The following USP54 variants were observed in gnomAD, a reference collection of about 807,000 sequenced individuals.
USP54 encodes ubiquitin carboxyl-terminal hydrolase 54.
A neutral mutation model predicts 170.5 loss-of-function variants in USP54; 87 were observed. The observed-to-expected ratio is 0.51, with a 90% CI of 0.43 to 0.61. The LOEUF (loss-of-function observed/expected upper bound fraction) is 0.61. Among genes scored for constraint, USP54 ranks in the 20% least tolerant of loss-of-function variants. USP54 has a pLI of 0.00. For missense variants in USP54, 1,786 were observed against 2,047.8 expected (o/e 0.87, Z 2.47); for synonymous variants, 655 against 742.8 (o/e 0.88, Z 1.92).
intron 1 of USP54, among the ~76,000 whole-genome samples, chr10:73,609,203 G>C (rs1283060872): frequency 6.6e-6 from 1 of 152,112 alleles, no homozygotes; most frequent in Non-Finnish European, 1.5e-5. Context: ...CATGAGTAAA[G>C]ATAAACAAGG....
chr10:73,503,372 A>G (rs1195858518), intron 22 of USP54, among the ~76,000 whole-genome samples: 1 of 152,232 alleles, frequency 6.6e-6, no homozygotes, highest in African/African-American at 2.4e-5. Flanking sequence ...TAAGCTCCAT[A>G]AAAGCAGGGA....
At chr10:73,499,297 T>C (rs975584565) in intron 23 of USP54, 109 bp from the exon 24 acceptor site, 1 of 1,069,818 alleles carries the variant, frequency 9.3e-7, no homozygotes, top group Non-Finnish European at 1.4e-6. Context: ...TCCAAGAGCA[T>C]ACATACAAGG....
chr10:73,516,840 G>A lies in USP54; in HGVS notation c.3586C>T (p.Pro1196Ser). Residue 1196 changes from proline to serine, a missense_variant, in exon 20 of 24, where the codon CCA becomes TCA. Physicochemically the swap from Pro to Ser is moderately conservative, Grantham distance 74 (BLOSUM62 -1). Transcript: ENST00000687698. Reference protein sequence around the residue: ...QQSSLEGGDRPLSWEESTEHS... With the variant: ...QQSSLEGGDRSLSWEESTEHS... ...TCAGTGGACTCTTCCCAGGAAAGTG[G>A]TCTATCCCCACCCTCCAGAGAGGAT... 6.2e-7 allele frequency: 1 copy of A among 1,614,260 alleles called. No homozygotes were observed. The highest frequency in any genetic ancestry group is 8.5e-7 in the Non-Finnish European group (1 of 1,180,052).
chr10:73,575,091 G>C (rs1230758739), intron 3 of USP54, among the ~76,000 whole-genome samples: 3 of 151,856 alleles, frequency 2.0e-5, no homozygotes, highest in African/African-American at 7.3e-5. Flanking sequence ...TGGGCATGGT[G>C]GTGGGCGCCT....
chr10:73,588,271 G>A (rs911747996), intron 1 of USP54, among the ~76,000 whole-genome samples: 4 of 152,152 alleles, frequency 2.6e-5, no homozygotes, highest in Admixed American at 6.5e-5. Context: ...CCAGGCTGGA[G>A]TACAGTGGCG....
chr10:73,616,107 G>A (rs1589417451), intron 1 of USP54, among the ~76,000 whole-genome samples: 2 of 150,066 alleles, frequency 1.3e-5, no homozygotes, highest in South Asian at 2.1e-4. Flanking sequence ...GGGAGGCCGA[G>A]GTGGGCAGAT....
At chr10:73,520,018 G>A in intron 18 of USP54, 26 bp from the exon 19 acceptor site, 2 of 1,560,844 alleles carry the variant, frequency 1.3e-6, no homozygotes. Context: ...AAATATAGCA[G>A]AAACAGAACA....
chr10:73,573,084 G>C (rs1341538775), intron 3 of USP54, among the ~76,000 whole-genome samples: 1 of 151,942 alleles, frequency 6.6e-6, no homozygotes, highest in East Asian at 1.9e-4. Context: ...AGGAGTTCAA[G>C]ACCAGCCTAA....
intron 4 of USP54, among the ~76,000 whole-genome samples, chr10:73,567,120 C>A (rs2074027276): frequency 6.6e-6 from 1 of 151,722 alleles, no homozygotes; most frequent in African/African-American, 2.4e-5. Context: ...CTCAGGTGAT[C>A]CACCCGCCTC....
chr10:73,517,230 G>A lies in USP54; in HGVS notation c.3196C>T (p.Leu1066Phe). The change falls in exon 20 of 24, where the codon CTT (leucine) becomes TTT (phenylalanine). Residue 1066 changes from leucine (L) to phenylalanine (F), a missense_variant. Around this residue, in one of 3 missense-constraint regions of USP54, gnomAD observed 1,418 missense variants for 1,569.0 expected, o/e 0.90. Transcript: ENST00000687698. ...GGGTGGCAGGTTCTATACAGGGGAA[G>A]GCTGGGCTGAGCTGATGAATTTGAA... ...SPSNSSAQPSLPLYRTCHPIM... is the reference protein window; with the variant it reads ...SPSNSSAQPSFPLYRTCHPIM... 1 of 1,614,218 alleles carries A rather than the reference G, an allele frequency of 6.2e-7. No individual in the cohort carries two copies.
intron 1 of USP54, among the ~76,000 whole-genome samples, chr10:73,587,528 G>C (rs879847923): frequency 1.3e-5 from 2 of 152,026 alleles, no homozygotes; most frequent in Non-Finnish European, 1.5e-5. Context: ...CAGAACCTCG[G>C]GAGGTAACAT....
At position 73,527,805 on chromosome 10, in the gene USP54, G is replaced by A. The variant is rs570817193; in HGVS notation, c.2061-1025C>T. On this transcript the variant is annotated intron_variant, in intron 15 of 23. Transcript: ENST00000687698. ...ACTTGAGCCCAGGAGTTCAAGACAA[G>A]CCTGGGCAAAATGATGAAACCCCAT... 3.1e-5 allele frequency among the ~76,000 whole-genome samples: 4 copies of A among 128,832 alleles called. 1 individual carries two copies. In the Admixed American group the frequency reaches 3.4e-4, roughly 11 times the overall value. 84.5% of individuals were successfully genotyped at this position (128,832 alleles called of 152,430 possible).
chr10:73,527,593 G>A (rs958580618), intron 15 of USP54, among the ~76,000 whole-genome samples: 1 of 150,138 alleles, frequency 6.7e-6, no homozygotes, highest in Admixed American at 6.6e-5. Flanking sequence ...AAAGCAAACT[G>A]AGCCCTATGG....
chr10:73,563,887 T>G (rs2133734316), intron 4 of USP54, among the ~76,000 whole-genome samples: 1 of 152,292 alleles, frequency 6.6e-6, no homozygotes, highest in Admixed American at 6.5e-5. Context: ...AGTTTTTGAA[T>G]TTTTGTAGTA....
chr10:73,527,769 G>A (rs1294454393), intron 15 of USP54, among the ~76,000 whole-genome samples: 4 of 149,520 alleles, frequency 2.7e-5, no homozygotes, highest in Non-Finnish European at 5.9e-5. Context: ...GGAGGCTGAG[G>A]TGGGTAAATC....
intron 4 of USP54, among the ~76,000 whole-genome samples, chr10:73,562,501 A>G (rs2073306971): frequency 6.6e-6 from 1 of 152,086 alleles, no homozygotes; most frequent in Non-Finnish European, 1.5e-5. Flanking sequence ...TATGTTCTTC[A>G]GTTTTGCCTG....
Position 73,520,895 on chromosome 10 carries a change from T to TA in USP54, c.2482+12dup, listed in dbSNP as rs774304080. ...TCAAAAGTGCCACAGCCATAGCAGT[T>TA]AGAGTTACTTACAGATAGCTTCATT... On this transcript the variant is annotated intron_variant, in intron 18 of 23. Coordinates refer to ENST00000687698, the MANE Select transcript of USP54 (RefSeq NM_001391956.1). 1.9e-4 allele frequency: 310 copies of TA among 1,613,974 alleles called. No individual in the cohort carries two copies. The highest frequency in any genetic ancestry group is 2.5e-4 in the Non-Finnish European group (291 of 1,180,036).
In USP54 at chr10:73,589,100, G is replaced by A. The variant is rs546075564; in HGVS notation, c.-582+2178C>T. Among the ~76,000 whole-genome samples the A allele has an allele frequency of 3.3e-5, 5 of 152,262 alleles. No individual in the cohort carries two copies. The East Asian group carries it at 9.6e-4, about 29-fold the overall frequency. On this transcript the variant is annotated intron_variant, in intron 1 of 23. Coordinates refer to ENST00000687698, the MANE Select transcript of USP54 (RefSeq NM_001391956.1). ...TATCAATACTTTATTAGAATACAAG[G>A]TAGAAAGTTACATTGCCTTACACTC...
chr10:73,604,495 C>T (rs922887689), intron 1 of USP54, among the ~76,000 whole-genome samples: 1 of 152,108 alleles, frequency 6.6e-6, no homozygotes, highest in Non-Finnish European at 1.5e-5. Context: ...TTGGCTCACA[C>T]ACGTAATCCC....
Sources: gnomAD v4.1 joint callset for allele counts (sites outside exome capture counted in the v4.1 genomes callset) on GRCh38, gnomAD v4.1.1 for gene constraint, gnomAD v4.1.1 regional missense constraint, MANE v1.5 for transcripts, NCBI Gene and HGNC (gene_info 2026-07-23, HGNC 2026-07-21) for gene names.